KDM4C: variants seen among roughly 807,000 people sequenced by gnomAD.
KDM4C encodes the protein lysine-specific demethylase 4C.
In KDM4C, 81 loss-of-function variants were observed where a neutral mutation model predicts 129.3. The observed-to-expected ratio is 0.63, with a 90% CI of 0.52 to 0.75. The LOEUF (loss-of-function observed/expected upper bound fraction) is 0.75, where lower values mean the gene tolerates loss of function less well. Among genes scored for constraint, KDM4C ranks in the 30% least tolerant of loss-of-function variants. The pLI is 0.00. For missense variants in KDM4C, 1,457 were observed against 1,304.0 expected (o/e 1.12, Z -1.81); for synonymous variants, 573 against 456.1 (o/e 1.26, Z -3.26).
intron 1 of KDM4C, among the ~76,000 whole-genome samples, chr9:6,763,582 T>G (rs1394576031): frequency 2.6e-5 from 4 of 152,206 alleles, no homozygotes; most frequent in Admixed American, 6.5e-5. Flanking sequence ...TGTGGGTAAT[T>G]TGTTTCCTTT....
At chr9:6,956,343 C>G (rs1015161236) in intron 8 of KDM4C, among the ~76,000 whole-genome samples, 1 of 152,080 alleles carries the variant, frequency 6.6e-6, no homozygotes, top group African/African-American at 2.4e-5. Context: ...ATGCTTGTAT[C>G]AAAACACCTT....
chr9:6,888,554 C>T (rs1484034652), intron 7 of KDM4C, among the ~76,000 whole-genome samples: 1 of 152,110 alleles, frequency 6.6e-6, no homozygotes, highest in Admixed American at 6.5e-5. Context: ...TGCGAGTTTT[C>T]TGAAGATTAG....
chr9:6,830,396 G>T (rs916056575), intron 4 of KDM4C, among the ~76,000 whole-genome samples: 2 of 152,158 alleles, frequency 1.3e-5, no homozygotes, highest in African/African-American at 2.4e-5. Flanking sequence ...CAGCATCCTA[G>T]TATGGTTTCT....
At chr9:6,809,516 A>G (rs1216254946) in intron 3 of KDM4C, among the ~76,000 whole-genome samples, 5 of 152,094 alleles carry the variant, frequency 3.3e-5, no homozygotes, top group African/African-American at 9.7e-5. Flanking sequence ...TATTGTTAAT[A>G]CTCTTGATAA....
chr9:6,880,330 GT>G (rs1450987936), intron 6 of KDM4C, among the ~76,000 whole-genome samples: 1 of 152,012 alleles, frequency 6.6e-6, no homozygotes, highest in African/African-American at 2.4e-5. Context: ...CCCTTAATCT[GT>G]TTTGGTAGTT....
At chr9:7,024,264 C>G (rs1170517105) in intron 15 of KDM4C, among the ~76,000 whole-genome samples, 2 of 137,006 alleles carry the variant, frequency 1.5e-5, no homozygotes, top group Non-Finnish European at 3.2e-5. Context: ...TGGAGTCTAT[C>G]TCTCTTTTTA....
At chr9:7,100,873 G>C (rs996455640) in intron 17 of KDM4C, among the ~76,000 whole-genome samples, 1 of 151,866 alleles carries the variant, frequency 6.6e-6, no homozygotes, top group Middle Eastern at 3.2e-3. Context: ...TTTGCCTAAA[G>C]GATATTCTTT....
intron 15 of KDM4C, among the ~76,000 whole-genome samples, chr9:7,044,730 G>A (rs879877067): frequency 4.6e-5 from 7 of 152,008 alleles, no homozygotes; most frequent in African/African-American, 2.4e-5. Context: ...GGGAATTAAG[G>A]TGTGAGCCAT....
At chr9:6,827,220 A>T (rs1476868273) in intron 4 of KDM4C, among the ~76,000 whole-genome samples, 1 of 152,226 alleles carries the variant, frequency 6.6e-6, no homozygotes, top group Non-Finnish European at 1.5e-5. Flanking sequence ...GACTTTCAGG[A>T]AAGCTCTGTG....
At chr9:6,995,093 A>G (rs977777315) in intron 12 of KDM4C, among the ~76,000 whole-genome samples, 16 of 150,946 alleles carry the variant, frequency 1.1e-4, no homozygotes, top group African/African-American at 2.7e-4. Flanking sequence ...GGAATGATGC[A>G]TACTGTTGTC....
At chr9:7,020,307 G>T (rs1285643405) in intron 15 of KDM4C, among the ~76,000 whole-genome samples, 1 of 152,146 alleles carries the variant, frequency 6.6e-6, no homozygotes, top group African/African-American at 2.4e-5. Context: ...CTTGGATACA[G>T]TTTATATATT....
intron 8 of KDM4C, among the ~76,000 whole-genome samples, chr9:6,961,456 G>C (rs1240100035): frequency 6.6e-6 from 1 of 152,062 alleles, no homozygotes; most frequent in Non-Finnish European, 1.5e-5. Flanking sequence ...AGATAGTCGT[G>C]GTTGTATAAA....
intron 18 of KDM4C, among the ~76,000 whole-genome samples, chr9:7,122,810 A>G (rs1839645106): frequency 6.6e-6 from 1 of 152,066 alleles, no homozygotes; most frequent in Admixed American, 6.6e-5. Context: ...TGCTTAGTTC[A>G]TATTAAAGAA....
chr9:6,953,315 G>A (rs912262714), intron 8 of KDM4C, among the ~76,000 whole-genome samples: 4 of 152,134 alleles, frequency 2.6e-5, no homozygotes, highest in African/African-American at 4.8e-5. Context: ...TGGAGTAAAG[G>A]CTTTCCCGCC....
chr9:6,933,394 G>C (rs1294573865), intron 8 of KDM4C, among the ~76,000 whole-genome samples: 1 of 152,130 alleles, frequency 6.6e-6, no homozygotes, highest in East Asian at 1.9e-4. Context: ...GCTTGGTGAG[G>C]GGGCATAACC....
intron 2 of KDM4C, among the ~76,000 whole-genome samples, chr9:6,797,892 A>G (rs547595828): frequency 1.3e-5 from 2 of 152,336 alleles, no homozygotes; most frequent in African/African-American, 4.8e-5. Flanking sequence ...AAAAGAAGGT[A>G]TATTCTGTTT....
intron 8 of KDM4C, among the ~76,000 whole-genome samples, chr9:6,959,785 A>T (rs1239339433): frequency 6.6e-6 from 1 of 152,172 alleles, no homozygotes; most frequent in African/African-American, 2.4e-5. Flanking sequence ...ACGGATATAT[A>T]TGTCTTCCTT....
At chr9:6,988,022 G>T (rs7020014) in intron 11 of KDM4C, among the ~76,000 whole-genome samples, 1 of 151,478 alleles carries the variant, frequency 6.6e-6, no homozygotes, top group Non-Finnish European at 1.5e-5. Context: ...AAATTTAGTG[G>T]TGTGTGCCTG....
At chr9:6,965,073 G>A (rs1830710876) in intron 8 of KDM4C, among the ~76,000 whole-genome samples, 1 of 151,900 alleles carries the variant, frequency 6.6e-6, no homozygotes, top group South Asian at 2.1e-4. Flanking sequence ...TTAGAAAAAT[G>A]GAAATTTCCA....
Sources: allele counts gnomAD v4.1 joint callset (sites outside exome capture counted in the v4.1 genomes callset), GRCh38; gene constraint gnomAD v4.1.1; transcripts MANE v1.5; gene names NCBI Gene and HGNC (gene_info 2026-07-23, HGNC 2026-07-21).